Variants in RRAS2 observed in about 807,000 individuals in gnomAD.
RRAS2 encodes the protein ras-related protein R-Ras2.
A neutral mutation model predicts 27.6 loss-of-function variants in RRAS2; 7 were observed. That is an observed-to-expected ratio of 0.25 (90% confidence interval 0.14 to 0.48). The LOEUF is 0.48. Among genes scored for constraint, RRAS2 ranks in the 20% least tolerant of loss-of-function variants. The probability of loss-of-function intolerance (pLI) is 0.99; values close to 1 mark genes in which losing one functional copy is unlikely to be tolerated. For missense variants in RRAS2, 178 were observed against 256.2 expected (o/e 0.69, Z 2.08); for synonymous variants, 86 against 90.9 (o/e 0.95, Z 0.31).
chr11:14,299,342 T>G (rs1847638478), intron 1 of RRAS2, among the ~76,000 whole-genome samples: 1 of 152,178 alleles, frequency 6.6e-6, no homozygotes, highest in Non-Finnish European at 1.5e-5. Context: ...GTTCTGGAAA[T>G]AGTCTCTGGA....
chr11:14,283,311 T>C (rs576077284), intron 4 of RRAS2, among the ~76,000 whole-genome samples: 9 of 152,338 alleles, frequency 5.9e-5, no homozygotes, highest in Non-Finnish European at 8.8e-5. Context: ...TGTTAAATTC[T>C]ATTTAATATT....
intron 4 of RRAS2, among the ~76,000 whole-genome samples, chr11:14,286,722 C>T (rs781999295): frequency 1.4e-4 from 21 of 152,192 alleles, no homozygotes; most frequent in Admixed American, 1.3e-3. Flanking sequence ...AACAGGATAA[C>T]GGGCAGGTTC....
At chr11:14,330,071 T>C (rs1484602927) in intron 1 of RRAS2, among the ~76,000 whole-genome samples, 1 of 152,112 alleles carries the variant, frequency 6.6e-6, no homozygotes, top group Admixed American at 6.6e-5. Context: ...TAAGACCCTA[T>C]CTCTTAGAAA....
intron 4 of RRAS2, among the ~76,000 whole-genome samples, chr11:14,292,348 G>C (rs1347108152): frequency 6.6e-6 from 1 of 152,130 alleles, no homozygotes; most frequent in Non-Finnish European, 1.5e-5. Flanking sequence ...GAGAAGGTTT[G>C]AGAAAGATCC....
chr11:14,346,011 G>C (rs2134029297), intron 1 of RRAS2, among the ~76,000 whole-genome samples: 1 of 152,244 alleles, frequency 6.6e-6, no homozygotes, highest in Non-Finnish European at 1.5e-5. Flanking sequence ...TCATTAAATA[G>C]TATCAAGCTT....
At chr11:14,309,687 G>A (rs1229766999) in intron 1 of RRAS2, among the ~76,000 whole-genome samples, 1 of 152,178 alleles carries the variant, frequency 6.6e-6, no homozygotes, top group Middle Eastern at 3.2e-3. Flanking sequence ...TAAGTTAAAG[G>A]CAGTGCGGTG....
rs1849422881 is a variant in RRAS2, at chr11:14,278,002, C to T, written c.*1335G>A. 1 of 152,228 alleles carries T rather than the reference C, an allele frequency of 6.6e-6. No individual in the cohort carries two copies. The highest frequency in any genetic ancestry group is 6.5e-5 in the Admixed American group (1 of 15,276). 9.4% of individuals were successfully genotyped at this position (152,228 alleles called of 1,614,324 possible). ...CTATAAACTTCATGGGACTGTTGTA[C>T]ACACTTGATAAAGTGACAACTGTGC... On this transcript the variant is annotated 3_prime_UTR_variant, in exon 6 of 6. Transcript: ENST00000256196.
At chr11:14,333,866 C>T (rs982308036) in intron 1 of RRAS2, among the ~76,000 whole-genome samples, 1 of 152,188 alleles carries the variant, frequency 6.6e-6, no homozygotes, top group Non-Finnish European at 1.5e-5. Context: ...AACCCCTGGA[C>T]TCAAGCAATC....
rs535213715 is a variant in RRAS2, at chr11:14,278,684, A to C, written c.*653T>G. ...AGTACACTGAAATATCTAAGTCCTA[A>C]ATGAGTCCAAATATTTGACCACATA... is the stretch of plus-strand genomic sequence containing the variant. On this transcript the variant is annotated 3_prime_UTR_variant, in exon 6 of 6. Transcript: ENST00000256196. The C allele has an allele frequency of 6.6e-6, 1 of 152,390 alleles. No homozygotes were observed. Among genetic ancestry groups the C allele is most frequent in the African/African-American group, 2.4e-5 (1 of 41,584 alleles). 9.4% of individuals were successfully genotyped at this position (152,390 alleles called of 1,614,324 possible).
chr11:14,296,689 C>T (rs1205517410), intron 1 of RRAS2, among the ~76,000 whole-genome samples: 1 of 152,106 alleles, frequency 6.6e-6, no homozygotes, highest in Non-Finnish European at 1.5e-5. Context: ...AAGAAAATAT[C>T]ATTTTGAAAT....
chr11:14,302,757 C>T (rs1391206674), intron 1 of RRAS2, among the ~76,000 whole-genome samples: 2 of 152,190 alleles, frequency 1.3e-5, no homozygotes, highest in Admixed American at 1.3e-4. Context: ...CTGGCTGAAG[C>T]CATCCTGTCC....
At chr11:14,343,749 G>A (rs1357639411) in intron 1 of RRAS2, among the ~76,000 whole-genome samples, 4 of 151,370 alleles carry the variant, frequency 2.6e-5, no homozygotes, top group Admixed American at 2.0e-4. Flanking sequence ...TGGAAGGATC[G>A]CCTCTACCCG....
chr11:14,294,924 C>A, intron 2 of RRAS2, 62 bp from the exon 3 acceptor site: 1 of 1,410,248 alleles, frequency 7.1e-7, no homozygotes, highest in Non-Finnish European at 1.0e-6. Flanking sequence ...CCCACAAGGG[C>A]AAGACCAATT....
rs556891910 is a variant in RRAS2, at chr11:14,356,537, G to C, written c.108+2226C>G. ...ATGTGTAATCAGACCCATTTTACTG[G>C]CGAGAAAACTGAGGCTCAGAGAGGC... On this transcript the variant is annotated intron_variant, in intron 1 of 5. Transcript: ENST00000256196. The C allele has an allele frequency of 1.6e-5, 4 of 257,170 alleles. No homozygotes were observed. In the Admixed American group the frequency reaches 1.6e-4, roughly 10 times the overall value. The allele number at this position is 257,170 out of a possible 1,614,324, so 15.9% of individuals were successfully genotyped here.
intron 1 of RRAS2, among the ~76,000 whole-genome samples, chr11:14,296,510 T>C (rs1554946644): frequency 6.6e-6 from 1 of 152,200 alleles, no homozygotes. Context: ...ACACAGTAAG[T>C]TATAATTCAG....
chr11:14,338,810 C>CA (rs1848640881), intron 1 of RRAS2, among the ~76,000 whole-genome samples: 1 of 152,036 alleles, frequency 6.6e-6, no homozygotes. Flanking sequence ...GGGACTCAAT[C>CA]CCAAATTCTG....
At chr11:14,287,475 C>T (rs10741646) in intron 4 of RRAS2, among the ~76,000 whole-genome samples, 149,828 of 152,240 alleles carry the variant, frequency 0.98, 73,759 homozygotes, top group Middle Eastern at 1. Flanking sequence ...TTTCCAGTAG[C>T]TTTCCTGCTC....
chr11:14,330,916 T>G (rs1044019292), intron 1 of RRAS2, among the ~76,000 whole-genome samples: 6 of 152,176 alleles, frequency 3.9e-5, no homozygotes, highest in Middle Eastern at 3.4e-3. Context: ...ATTTCATTTG[T>G]TTTTTGTTTG....
intron 4 of RRAS2, among the ~76,000 whole-genome samples, chr11:14,292,126 G>C (rs892931199): frequency 6.6e-6 from 1 of 152,166 alleles, no homozygotes; most frequent in Non-Finnish European, 1.5e-5. Flanking sequence ...GAGCATTTCA[G>C]ATTTCAGATT....
Sources: allele counts gnomAD v4.1 joint callset (sites outside exome capture counted in the v4.1 genomes callset), GRCh38; gene constraint gnomAD v4.1.1; transcripts MANE v1.5; gene names NCBI Gene and HGNC (gene_info 2026-07-23, HGNC 2026-07-21).